The following COL13A1 variants were observed in gnomAD, a reference collection of about 807,000 sequenced individuals.
COL13A1 encodes collagen alpha-1(XIII) chain.
In COL13A1, 89 loss-of-function variants were observed where a neutral mutation model predicts 130.9. The ratio of observed to expected loss-of-function variants is 0.68; its 90% CI spans 0.57 to 0.81. COL13A1 has a LOEUF of 0.81. COL13A1 is among the 30% of genes least tolerant of loss of function. The pLI is 0.00. For missense variants in COL13A1, 879 were observed against 934.6 expected (o/e 0.94, Z 0.78); for synonymous variants, 402 against 341.6 (o/e 1.18, Z -1.95).
chr10:69,914,937 C>T (rs928938662), intron 17 of COL13A1, among the ~76,000 whole-genome samples: 7 of 152,232 alleles, frequency 4.6e-5, no homozygotes, highest in Non-Finnish European at 8.8e-5. Context: ...TGATGGGCCA[C>T]AGACCTAAGG....
At chr10:69,872,851 G>T (rs1470647534) in intron 4 of COL13A1, among the ~76,000 whole-genome samples, 1 of 152,220 alleles carries the variant, frequency 6.6e-6, no homozygotes, top group African/African-American at 2.4e-5. Context: ...AGGTAAAATA[G>T]TTTGTCCATC....
At position 69,945,529 on chromosome 10, in the gene COL13A1, C is replaced by T. The variant is rs560056566; in HGVS notation, c.1969-142C>T. Reference sequence around the variant, plus strand: ...GGCAGTGTTCGCATCAGCAGCACCCCACCTTTCCCATAGCCCTTGCTTCCC... The same window carrying T: ...GGCAGTGTTCGCATCAGCAGCACCCTACCTTTCCCATAGCCCTTGCTTCCC... On this transcript the variant is annotated intron_variant, in intron 36 of 40. Coordinates refer to ENST00000645393, the MANE Select transcript of COL13A1 (RefSeq NM_001368882.1). The T allele has an allele frequency of 1.5e-3, 1,650 of 1,134,024 alleles. 2 individuals are homozygous for T. The highest frequency in any genetic ancestry group is 1.8e-3 in the Non-Finnish European group (1,467 of 795,578). The allele number at this position is 1,134,024 out of a possible 1,614,324, so 70.2% of individuals were successfully genotyped here.
intron 39 of COL13A1, chr10:69,956,397 G>A (rs1373207350): frequency 6.5e-6 from 1 of 152,688 alleles, no homozygotes; most frequent in Non-Finnish European, 1.5e-5. Flanking sequence ...AAGGTCTAAG[G>A]CTTCGCCAGG....
intron 14 of COL13A1, 121 bp from the exon 15 acceptor site, chr10:69,902,627 C>A (rs1337860139): frequency 4.2e-6 from 3 of 716,100 alleles, no homozygotes; most frequent in Admixed American, 6.8e-5. Context: ...TTCCTCCCCC[C>A]ATCACCACTC....
At chr10:69,914,545 G>A (rs537085034) in intron 17 of COL13A1, among the ~76,000 whole-genome samples, 1 of 152,322 alleles carries the variant, frequency 6.6e-6, no homozygotes, top group Admixed American at 6.5e-5. Context: ...GGGAAGAAGA[G>A]GGCAGAGGCA....
chr10:69,866,841 C>A (rs1418133936), intron 2 of COL13A1, among the ~76,000 whole-genome samples: 1 of 152,038 alleles, frequency 6.6e-6, no homozygotes, highest in African/African-American at 2.4e-5. Flanking sequence ...ACATAGGAGC[C>A]TTTATTGGCC....
intron 16 of COL13A1, among the ~76,000 whole-genome samples, chr10:69,905,421 A>C (rs2062651198): frequency 6.6e-6 from 1 of 152,158 alleles, no homozygotes; most frequent in Non-Finnish European, 1.5e-5. Flanking sequence ...GGACAAGAAG[A>C]TGCCCAGTGC....
intron 15 of COL13A1, 55 bp from the exon 16 acceptor site, chr10:69,904,878 A>G (rs1307086807): frequency 9.1e-6 from 14 of 1,530,788 alleles, no homozygotes; most frequent in Non-Finnish European, 1.2e-5. Context: ...GCTAGCCCCA[A>G]CCAGCTCTAC....
intron 1 of COL13A1, among the ~76,000 whole-genome samples, chr10:69,804,180 C>T (rs2132033070): frequency 6.6e-6 from 1 of 151,740 alleles, no homozygotes; most frequent in South Asian, 2.1e-4. Context: ...TGAGCCCAGA[C>T]TGGCTGGGTG....
intron 26 of COL13A1, 64 bp from the exon 27 acceptor site, chr10:69,927,023 G>A (rs960695085): frequency 1.9e-6 from 3 of 1,610,710 alleles, no homozygotes; most frequent in South Asian, 1.1e-5. Context: ...TGACTGTGCA[G>A]TGAGAACCTT....
chr10:69,908,836 A>G (rs2063060820), intron 17 of COL13A1, among the ~76,000 whole-genome samples: 1 of 152,226 alleles, frequency 6.6e-6, no homozygotes, highest in East Asian at 1.9e-4. Context: ...AAGAAGGATC[A>G]TACTTTCTTT....
intron 38 of COL13A1, among the ~76,000 whole-genome samples, chr10:69,952,644 C>CT (rs2069794478): frequency 6.6e-6 from 1 of 152,190 alleles, no homozygotes; most frequent in Non-Finnish European, 1.5e-5. Context: ...ACCTGCAGCT[C>CT]TGAGCCCTCT....
intron 1 of COL13A1, among the ~76,000 whole-genome samples, chr10:69,810,346 A>AAGAGAGAGAGAGAGAG (rs1564723791): frequency 9.8e-5 from 7 of 71,212 alleles, no homozygotes; most frequent in African/African-American, 4.3e-4. Context: ...GGCCCTGAGA[A>AAGAGAGAGAGAGAGAG]TGAGAGAGAG....
chr10:69,910,124 C>A (rs536048173), intron 17 of COL13A1, among the ~76,000 whole-genome samples: 1 of 152,144 alleles, frequency 6.6e-6, no homozygotes, highest in Non-Finnish European at 1.5e-5. Flanking sequence ...GGAGGGCTGT[C>A]CCCCTACCTC....
At chr10:69,838,566 G>A (rs1850726361) in intron 2 of COL13A1, among the ~76,000 whole-genome samples, 1 of 152,200 alleles carries the variant, frequency 6.6e-6, no homozygotes, top group South Asian at 2.1e-4. Context: ...TGAACCGCAG[G>A]CCAGGACTCT....
intron 1 of COL13A1, among the ~76,000 whole-genome samples, chr10:69,813,127 C>G (rs1843482429): frequency 6.6e-6 from 1 of 152,236 alleles, no homozygotes; most frequent in Admixed American, 6.5e-5. Flanking sequence ...AGTCAATACC[C>G]ATTTGTGAAA....
chr10:69,914,121 A>G (rs772394453), intron 17 of COL13A1, among the ~76,000 whole-genome samples: 2 of 152,162 alleles, frequency 1.3e-5, no homozygotes, highest in Non-Finnish European at 2.9e-5. Context: ...TGCTCTGCAC[A>G]GTTTCTTCCA....
chr10:69,902,375 A>T (rs1323116648), intron 14 of COL13A1, among the ~76,000 whole-genome samples: 2 of 152,196 alleles, frequency 1.3e-5, no homozygotes, highest in Non-Finnish European at 2.9e-5. Context: ...GGAGGGTGAC[A>T]GAGGCAGGCC....
At chr10:69,862,814 G>T (rs1317884451) in intron 2 of COL13A1, among the ~76,000 whole-genome samples, 1 of 152,182 alleles carries the variant, frequency 6.6e-6, no homozygotes, top group Non-Finnish European at 1.5e-5. Context: ...TCTGTAGAGT[G>T]GGAACAATAA....
Sources: allele counts gnomAD v4.1 joint callset (sites outside exome capture counted in the v4.1 genomes callset), GRCh38; gene constraint gnomAD v4.1.1; transcripts MANE v1.5; gene names NCBI Gene and HGNC (gene_info 2026-07-23, HGNC 2026-07-21).